MTHFD1L: variants seen among roughly 807,000 people sequenced by gnomAD.
The protein encoded by MTHFD1L is methylenetetrahydrofolate dehydrogenase (NADP+ dependent) 1 like.
Under a neutral mutation model 119.5 loss-of-function variants are expected in MTHFD1L, and 81 were observed. The observed-to-expected ratio is 0.68, with a 90% confidence interval of 0.57 to 0.82. The LOEUF is 0.82. MTHFD1L is among the 40% of genes least tolerant of loss of function. MTHFD1L has a pLI of 0.00. For synonymous variants in MTHFD1L, 430 were observed against 475.2 expected (o/e 0.90, Z 1.24); for missense variants, 1,125 against 1,253.4 (o/e 0.90, Z 1.55).
At chr6:151,027,050 C>A (rs748915328) in intron 24 of MTHFD1L, among the ~76,000 whole-genome samples, 2 of 151,822 alleles carry the variant, frequency 1.3e-5, no homozygotes, top group Non-Finnish European at 2.9e-5. Context: ...AGGATGGTCT[C>A]GATCTCTTAA....
intron 26 of MTHFD1L, among the ~76,000 whole-genome samples, chr6:151,068,256 A>G (rs992863350): frequency 5.9e-5 from 9 of 152,228 alleles, no homozygotes; most frequent in African/African-American, 1.7e-4. Flanking sequence ...GCCTGACCAC[A>G]CTGCAGTGGA....
intron 24 of MTHFD1L, among the ~76,000 whole-genome samples, chr6:151,032,084 T>G (rs1319055748): frequency 6.6e-6 from 1 of 152,240 alleles, no homozygotes; most frequent in Admixed American, 6.5e-5. Flanking sequence ...TGATAGCTAG[T>G]AGAAAAGTCC....
intron 17 of MTHFD1L, 91 bp downstream of exon 17, chr6:150,956,162 C>T (rs1205403733): frequency 7.6e-7 from 1 of 1,317,436 alleles, no homozygotes; most frequent in Non-Finnish European, 1.1e-6. Flanking sequence ...TTGTCTCATC[C>T]CCAACCTGTT....
intron 10 of MTHFD1L, among the ~76,000 whole-genome samples, chr6:150,923,540 T>TATTTTTTTA (rs57115594): frequency 1.0e-5 from 1 of 99,142 alleles, no homozygotes; most frequent in African/African-American, 4.3e-5. Flanking sequence ...TTTATTTATT[T>TATTTTTTTA]TTTCTTTTTT....
At chr6:150,896,653 G>A (rs1356879084) in intron 7 of MTHFD1L, among the ~76,000 whole-genome samples, 1 of 152,152 alleles carries the variant, frequency 6.6e-6, no homozygotes. Context: ...TCTTGCTTCT[G>A]TCTGATCATT....
At chr6:151,036,364 T>C (rs1367413870) in intron 25 of MTHFD1L, among the ~76,000 whole-genome samples, 3 of 152,134 alleles carry the variant, frequency 2.0e-5, no homozygotes, top group Non-Finnish European at 2.9e-5. Context: ...GAGGACACTG[T>C]GCTTTTTGTG....
chr6:150,892,910 A>G (rs989330645), intron 7 of MTHFD1L, among the ~76,000 whole-genome samples: 2 of 151,032 alleles, frequency 1.3e-5, no homozygotes, highest in African/African-American at 2.5e-5. Flanking sequence ...TGTGGATTGT[A>G]CCACTCAATG....
rs922063278 is a variant in MTHFD1L, at chr6:151,055,137, G to C, written c.2847+18020G>C. ...AAAAATTAGCCGGGCATGGTGTTGG[G>C]TGCCTGTAATCCCAGCTACTCAGAA... On this transcript the variant is annotated intron_variant, in intron 26 of 27. Coordinates refer to ENST00000367321, the MANE Select transcript of MTHFD1L (RefSeq NM_015440.5). 1.3e-4 allele frequency: 20 copies of C among 152,088 alleles called. 1 individual carries two copies. The highest frequency in any genetic ancestry group is 4.8e-4 in the African/African-American group (20 of 41,510). The allele number at this position is 152,088 out of a possible 1,614,324, so 9.4% of individuals were successfully genotyped here. A position where few individuals can be genotyped will look rare whatever the true frequency, so the allele number is the denominator to read the frequency against.
chr6:151,086,237 A>G (rs754736436), intron 26 of MTHFD1L, among the ~76,000 whole-genome samples: 10 of 152,158 alleles, frequency 6.6e-5, no homozygotes, highest in Non-Finnish European at 1.0e-4. Context: ...TTGCAACTGT[A>G]GCAGCACAAT....
At chr6:150,882,913 C>A (rs1054859974) in intron 5 of MTHFD1L, 27 bp downstream of exon 5, 2 of 1,546,834 alleles carry the variant, frequency 1.3e-6, no homozygotes, top group South Asian at 1.3e-5. Context: ...AAATAATCAA[C>A]CTTTATGGCT....
intron 10 of MTHFD1L, among the ~76,000 whole-genome samples, chr6:150,925,284 TG>T (rs1343667894): frequency 6.6e-6 from 1 of 152,118 alleles, no homozygotes; most frequent in Non-Finnish European, 1.5e-5. Flanking sequence ...GTCTTGCTGC[TG>T]GGGGAACAGG....
chr6:150,934,396 A>G (rs947418195), intron 11 of MTHFD1L, among the ~76,000 whole-genome samples: 2 of 152,130 alleles, frequency 1.3e-5, no homozygotes, highest in Non-Finnish European at 1.5e-5. Context: ...TTTTCCATGT[A>G]CCCTCATAAT....
At chr6:150,933,894 A>ATTTG (rs1321991033) in intron 11 of MTHFD1L, among the ~76,000 whole-genome samples, 4 of 152,128 alleles carry the variant, frequency 2.6e-5, no homozygotes, top group Non-Finnish European at 5.9e-5. Flanking sequence ...TAGGATTACA[A>ATTTG]GCATGAACCA....
chr6:150,925,282 G>A (rs1789743959), intron 10 of MTHFD1L, among the ~76,000 whole-genome samples: 1 of 152,192 alleles, frequency 6.6e-6, no homozygotes, highest in South Asian at 2.1e-4. Flanking sequence ...TAGTCTTGCT[G>A]CTGGGGGAAC....
At chr6:151,029,258 T>G (rs894632687) in intron 24 of MTHFD1L, among the ~76,000 whole-genome samples, 8 of 150,064 alleles carry the variant, frequency 5.3e-5, no homozygotes, top group African/African-American at 2.0e-4. Flanking sequence ...CCATCTCTAC[T>G]AAAAATACAA....
chr6:151,013,462 C>A (rs1782580934), intron 21 of MTHFD1L, among the ~76,000 whole-genome samples: 1 of 152,104 alleles, frequency 6.6e-6, no homozygotes, highest in Non-Finnish European at 1.5e-5. Context: ...TAATTTGAAC[C>A]AATGTTTGAG....
intron 20 of MTHFD1L, among the ~76,000 whole-genome samples, chr6:151,007,612 G>A (rs974617755): frequency 6.6e-6 from 1 of 152,156 alleles, no homozygotes. Flanking sequence ...TAACCTGCAG[G>A]ACAGCGCCGC....
chr6:151,001,049 G>A (rs553595994), intron 20 of MTHFD1L, among the ~76,000 whole-genome samples: 16 of 152,260 alleles, frequency 1.1e-4, no homozygotes, highest in South Asian at 1.0e-3. Context: ...CGCCCCGTGC[G>A]CTCATATTTC....
chr6:151,099,739 A>C (rs1380892040), intron 27 of MTHFD1L: 2 of 1,610,212 alleles, frequency 1.2e-6, no homozygotes, highest in African/African-American at 2.7e-5. Flanking sequence ...CATGCTGCCC[A>C]GTGGCTTCCG....
Sources: gnomAD v4.1 joint callset for allele counts (sites outside exome capture counted in the v4.1 genomes callset) on GRCh38, gnomAD v4.1.1 for gene constraint, MANE v1.5 for transcripts, NCBI Gene and HGNC (gene_info 2026-07-23, HGNC 2026-07-21) for gene names.